The following EMC1 variants were observed in gnomAD, a reference collection of about 807,000 sequenced individuals.
The protein encoded by EMC1 is ER membrane protein complex subunit 1, also known as KIAA0090.
A neutral mutation model predicts 128.8 loss-of-function variants in EMC1; 103 were observed. The observed-to-expected ratio is 0.80, with a 90% CI of 0.68 to 0.94. EMC1 has a LOEUF of 0.94. EMC1 is among the 40% of genes least tolerant of loss of function. EMC1 has a pLI of 0.00. For missense variants in EMC1, 1,083 were observed against 1,250.6 expected (o/e 0.87, Z 2.02); for synonymous variants, 442 against 490.4 (o/e 0.90, Z 1.30).
chr1:19,235,957 C>T (rs566219204), intron 12 of EMC1, among the ~76,000 whole-genome samples: 69 of 152,224 alleles, frequency 4.5e-4, no homozygotes, highest in Non-Finnish European at 7.9e-4. Flanking sequence ...AGACTCTTCT[C>T]GCTGACTCAG....
Position 19,217,794 on chromosome 1 carries a change from A to G in EMC1, c.*1509T>C, listed in dbSNP as rs894551759. On this transcript the variant is annotated 3_prime_UTR_variant, in exon 23 of 23. Transcript: ENST00000477853. ...TTAAAATATGCCTTGGGTCAGGATG[A>G]TAGATGCCTGTTTTTTTCTGGAGAT... 6.6e-6 allele frequency: 1 copy of G among 152,202 alleles called. No individual in the cohort carries two copies. Among genetic ancestry groups the G allele is most frequent in the African/African-American group, 2.4e-5 (1 of 41,438 alleles). The allele number at this position is 152,202 out of a possible 1,614,324, so 9.4% of individuals were successfully genotyped here. A position where few individuals can be genotyped will look rare whatever the true frequency, so the allele number is the denominator to read the frequency against.
Position 19,230,853 on chromosome 1 carries a change from C to T in EMC1, c.2055G>A (p.Arg685=). 6.2e-7 allele frequency: 1 copy of T among 1,614,126 alleles called. No individual in the cohort carries two copies. Among genetic ancestry groups the T allele is most frequent in the Non-Finnish European group, 8.5e-7 (1 of 1,180,024 alleles). Reference sequence around the variant, plus strand: ...GGACATGCCTTCCTACCTTTCGAAGCCGATATCCACACAGCCGTCCCTGCT... The same window carrying T: ...GGACATGCCTTCCTACCTTTCGAAGTCGATATCCACACAGCCGTCCCTGCT... The part of the protein sequence containing the change: ...DAEQGRLCGY[R]LRKDLTTELS... Residue 685 remains arginine (R), a synonymous_variant, in exon 17 of 23, where the codon CGG becomes CGA. Coordinates refer to ENST00000477853, the MANE Select transcript of EMC1 (RefSeq NM_015047.3).
At chr1:19,239,487 A>C (rs2093590468) in intron 8 of EMC1, among the ~76,000 whole-genome samples, 185 bp from the exon 9 acceptor site, 1 of 151,386 alleles carries the variant, frequency 6.6e-6, no homozygotes, top group African/African-American at 2.4e-5. Context: ...TGAAAACAGA[A>C]CTCTCCCTAC....
chr1:19,243,166 T>C (rs1336902877), intron 4 of EMC1, among the ~76,000 whole-genome samples: 5 of 151,850 alleles, frequency 3.3e-5, no homozygotes, highest in Non-Finnish European at 5.9e-5. Context: ...ACCTGGGAGG[T>C]GAAGGTTGCA....
intron 19 of EMC1, chr1:19,223,137 A>G: frequency 1.8e-6 from 1 of 559,686 alleles, no homozygotes; most frequent in Middle Eastern, 4.6e-4. Context: ...GGTGACTGTT[A>G]TTATCCCTAT....
At chr1:19,223,146 A>AT (rs1046353792) in intron 19 of EMC1, 2 of 560,400 alleles carry the variant, frequency 3.6e-6, no homozygotes, top group African/African-American at 3.8e-5. Flanking sequence ...TATTATCCCT[A>AT]TTTTAACAAT....
chr1:19,225,818 CAA>C (rs34138339), intron 18 of EMC1, among the ~76,000 whole-genome samples: 40 of 110,560 alleles, frequency 3.6e-4, no homozygotes, highest in Non-Finnish European at 3.7e-4. Flanking sequence ...GACCCTGTCT[CAA>C]AAAAAAAAAA....
In EMC1 at chr1:19,244,561, G is replaced by A. The variant is rs1175740566; in HGVS notation, c.220+345C>T. 2.8e-5 allele frequency: 7 copies of A among 252,782 alleles called. No homozygotes were observed. In the East Asian group the frequency reaches 4.2e-4, roughly 15 times the overall value. The allele number at this position is 252,782 out of a possible 1,614,324, so 15.7% of individuals were successfully genotyped here. A position where few individuals can be genotyped will look rare whatever the true frequency, so the allele number is the denominator to read the frequency against. On this transcript the variant is annotated intron_variant, in intron 2 of 22. Coordinates refer to ENST00000477853, the MANE Select transcript of EMC1 (RefSeq NM_015047.3). ...CAAGTAGCTGGGAATCTAGGCACAC[G>A]CCACCATGCCTGATTTTTTTAATTT...
chr1:19,227,529 G>A, intron 17 of EMC1, 79 bp from the exon 18 acceptor site: 1 of 1,545,204 alleles, frequency 6.5e-7, no homozygotes, highest in South Asian at 1.2e-5. Context: ...ACATCCTACA[G>A]TTCATTATTT....
rs1457511286 is a variant in EMC1 at position 19,238,825 on chromosome 1, C to T, written c.1059G>A (p.Met353Ile). The change falls in exon 10 of 23, where the codon ATG becomes ATA. Residue 353 changes from methionine (M) to isoleucine (I), a missense_variant. By Grantham distance (10) the Met-to-Ile change is conservative. Around this residue, in one of 3 missense-constraint regions of EMC1, gnomAD observed 544 missense variants for 572.4 expected, o/e 0.95. Coordinates refer to ENST00000477853, the MANE Select transcript of EMC1 (RefSeq NM_015047.3). ...AACTAGACTTCTCCGAAAAGCTCCC[C>T]ATTGACCCATCTTCAGAACTGCTAC... Reference protein sequence around the residue: ...QKSSSSEDGSMGSFSEKSSSK... With the variant: ...QKSSSSEDGSIGSFSEKSSSK... The T allele has an allele frequency of 6.2e-7, 1 of 1,612,102 alleles. No homozygotes were observed. Among genetic ancestry groups the T allele is most frequent in the Non-Finnish European group, 8.5e-7 (1 of 1,178,238 alleles).
chr1:19,235,699 TTGAAA>T (rs2093558064), intron 12 of EMC1, among the ~76,000 whole-genome samples: 1 of 151,692 alleles, frequency 6.6e-6, no homozygotes, highest in Non-Finnish European at 1.5e-5. Context: ...AGACTCCGTC[TTGAAA>T]TAAAATAAAA....
chr1:19,240,403 C>T lies in EMC1; in HGVS notation c.680G>A (p.Cys227Tyr). Residue 227 changes from cysteine to tyrosine, a missense_variant, in exon 7 of 23, where the codon TGT becomes TAT. Physicochemically the swap from Cys to Tyr is radical, Grantham distance 194. Coordinates refer to ENST00000477853, the MANE Select transcript of EMC1 (RefSeq NM_015047.3). ...TPWLQHLSGA[C>Y]GVVDEAVLVC... is the part of the protein sequence containing the mutation. ...CAGGACAGCCTCATCCACCACACCA[C>T]AGGCTCCAGACAGGTGCTGCAGCCA... is the stretch of plus-strand genomic sequence containing the variant. 6.2e-7 allele frequency: 1 copy of T among 1,614,210 alleles called. No homozygotes were observed. The highest frequency in any genetic ancestry group is 1.3e-5 in the African/African-American group (1 of 75,062).
Position 19,219,514 on chromosome 1 carries a change from GAAAC to G in EMC1, c.2803-36_2803-33del, listed in dbSNP as rs751573733. On this transcript the variant is annotated intron_variant, in intron 22 of 22. Coordinates refer to ENST00000477853, the MANE Select transcript of EMC1 (RefSeq NM_015047.3). ...GGCAGATGGAATAAGAATTAGGAAA[GAAAC>G]AACCAATGATCCACCAAGGGTGAAA... 6 of 1,613,902 alleles carry G rather than the reference GAAAC, an allele frequency of 3.7e-6. No homozygotes were observed. In the East Asian group the frequency reaches 1.3e-4, roughly 36 times the overall value.
rs779385984 is a variant in EMC1, at chr1:19,222,842, G to A, written c.2377-8C>T. On this transcript the variant is annotated splice_region_variant and splice_polypyrimidine_tract_variant and intron_variant, in intron 19 of 22. Transcript: ENST00000477853. ...GGTGTTCCAGTACTGGTACTGCAGG[G>A]ATAGGAGGTGGCAGCTCAGGGCTTA... 7 of 1,594,152 alleles carry A rather than the reference G, an allele frequency of 4.4e-6. No individual in the cohort carries two copies. The African/African-American group carries it at 8.1e-5, about 18-fold the overall frequency.
In EMC1 at chr1:19,223,370, T is replaced by C. The variant is rs2073105; in HGVS notation, c.2376+26A>G. ...AGGCAGGGAGACCTCTGGAGCTACCTTGGGTCCCTGGTAGTGACCGCTTAC... is the reference window on the plus strand; with the variant it reads ...AGGCAGGGAGACCTCTGGAGCTACCCTGGGTCCCTGGTAGTGACCGCTTAC... On this transcript the variant is annotated intron_variant, in intron 19 of 22. Coordinates refer to ENST00000477853, the MANE Select transcript of EMC1 (RefSeq NM_015047.3). 0.27 allele frequency: 432,346 copies of C among 1,602,758 alleles called. 63,854 individuals carry two copies. The highest frequency in any genetic ancestry group is 0.69 in the East Asian group (30,829 of 44,594).
chr1:19,237,183 A>C lies in EMC1; in HGVS notation c.1268T>G (p.Val423Gly), dbSNP rs780185650. 1.2e-5 allele frequency: 19 copies of C among 1,614,054 alleles called. No homozygotes were observed. The South Asian group carries it at 2.1e-4, about 18-fold the overall frequency. The change falls in exon 12 of 23, where the codon GTG (valine) becomes GGG (glycine). Residue 423 changes from valine (V) to glycine (G), a missense_variant. Val to Gly is a moderately radical substitution (Grantham distance 109). Around this residue, in one of 3 missense-constraint regions of EMC1, gnomAD observed 544 missense variants for 572.4 expected, o/e 0.95. Coordinates refer to ENST00000477853, the MANE Select transcript of EMC1 (RefSeq NM_015047.3). The stretch of plus-strand genomic sequence containing the variant: ...AAGTAGCAGATGATCCTCTGTCTGC[A>C]CCAAAGCCCGGTAGCCCACTGAGTC... ...KDDSVGYRALVQTEDHLLLFL... is the reference protein window; with the variant it reads ...KDDSVGYRALGQTEDHLLLFL...
chr1:19,229,276 C>T (rs1210817308), intron 17 of EMC1: 2 of 152,130 alleles, frequency 1.3e-5, no homozygotes, highest in African/African-American at 4.8e-5. Flanking sequence ...CAATGTATTA[C>T]CTAAATTTTT....
chr1:19,220,479 C>G (rs556355397), intron 21 of EMC1: 1 of 243,086 alleles, frequency 4.1e-6, no homozygotes, highest in African/African-American at 2.2e-5. Context: ...ATTACACCCA[C>G]GCACATCCCC....
intron 13 of EMC1, 97 bp downstream of exon 13, chr1:19,235,033 C>T: frequency 6.9e-7 from 1 of 1,454,280 alleles, no homozygotes; most frequent in East Asian, 2.3e-5. Flanking sequence ...ATCTGCCCAG[C>T]CTAGGAAGCC....
Sources: allele counts gnomAD v4.1 joint callset (sites outside exome capture counted in the v4.1 genomes callset), GRCh38; gene constraint gnomAD v4.1.1; regional missense constraint gnomAD v4.1.1; transcripts MANE v1.5; gene names NCBI Gene and HGNC (gene_info 2026-07-23, HGNC 2026-07-21).